The following IGFL2 variants were observed in gnomAD, a reference collection of about 807,000 sequenced individuals.
IGFL2 encodes IGF like family member 2.
In IGFL2, 7 loss-of-function variants were observed where a neutral mutation model predicts 13.9. That is an observed-to-expected ratio of 0.51 (90% CI 0.29 to 0.95). IGFL2 has a LOEUF of 0.95. Ranked by LOEUF, IGFL2 falls within the 40% of genes least tolerant of loss-of-function variation. The probability of loss-of-function intolerance (pLI) is 0.08; values close to 1 mark genes in which losing one functional copy is unlikely to be tolerated. For synonymous variants in IGFL2, 55 were observed against 55.8 expected, an observed-to-expected ratio of 0.99 and a Z score of 0.07; for missense variants, 138 against 147.8, an observed-to-expected ratio of 0.93 and a Z score of 0.34.
rs774894098 is a variant in IGFL2, at chr19:46,161,096, TAGAA to T, written c.*14_*17del. 7.2e-5 allele frequency: 114 copies of T among 1,586,974 alleles called. No homozygotes were observed. In the Middle Eastern group the frequency reaches 2.8e-3, roughly 39 times the overall value. ...AGAAGACGTTTTCCCTGAGAAGACA[TAGAA>T]AGAAAATCAACTTTCACTAAGGCAT... is the stretch of plus-strand genomic sequence containing the variant. On this transcript the variant is annotated 3_prime_UTR_variant, in exon 4 of 4. Coordinates refer to ENST00000377693, the MANE Select transcript of IGFL2 (RefSeq NM_001135113.2).
At chr19:46,080,382 A>C in the IGFL2 span, among the ~76,000 whole-genome samples, 6 of 151,770 alleles carry the variant, frequency 4.0e-5, no homozygotes, top group African/African-American at 1.5e-4. Flanking sequence ...TCCCATCTCT[A>C]TTTATTTTTT....
At chr19:46,102,362 G>A in the IGFL2 span, among the ~76,000 whole-genome samples, 1 of 152,168 alleles carries the variant, frequency 6.6e-6, no homozygotes, top group African/African-American at 2.4e-5. Context: ...GTGGAGTTAG[G>A]AGCAATTTTG....
chr19:46,129,307 T>TTGTGTGTGTGTG, the IGFL2 span, among the ~76,000 whole-genome samples: 9 of 137,064 alleles, frequency 6.6e-5, no homozygotes, highest in South Asian at 2.4e-4. Flanking sequence ...TGTTGATCTT[T>TTGTGTGTGTGTG]TGTGTGTGTG....
At chr19:46,181,226 T>A in the IGFL2 span, 1 of 151,862 alleles carries the variant, frequency 6.6e-6, no homozygotes, top group East Asian at 1.9e-4. Context: ...TATTTATTTC[T>A]TATTCCAGCA....
At chr19:46,093,771 T>C in the IGFL2 span, among the ~76,000 whole-genome samples, 1 of 152,356 alleles carries the variant, frequency 6.6e-6, no homozygotes, top group South Asian at 2.1e-4. Context: ...AATTCAAATT[T>C]GAATTGTTCA....
At chr19:46,183,280 G>C in the IGFL2 span, among the ~76,000 whole-genome samples, 2 of 152,086 alleles carry the variant, frequency 1.3e-5, no homozygotes, top group African/African-American at 4.8e-5. Flanking sequence ...CTCCCACCAG[G>C]TCCTTCTCCT....
At chr19:46,163,211 C>T (rs1477299317), downstream of IGFL2, among the ~76,000 whole-genome samples, 1 of 152,202 alleles carries the variant, frequency 6.6e-6, no homozygotes, top group Middle Eastern at 3.2e-3. Flanking sequence ...GTTCCTCTCC[C>T]TCTTGAGTGC....
the IGFL2 span, among the ~76,000 whole-genome samples, chr19:46,079,174 C>A: frequency 6.6e-6 from 1 of 152,276 alleles, no homozygotes; most frequent in Non-Finnish European, 1.5e-5. Flanking sequence ...CTTTGGCCGC[C>A]ATGTTTTCGT....
the IGFL2 span, among the ~76,000 whole-genome samples, chr19:46,100,906 G>T: frequency 1.3e-5 from 2 of 152,078 alleles, no homozygotes; most frequent in Non-Finnish European, 2.9e-5. Context: ...AGTTTTTGTG[G>T]TGACTTCTTT....
downstream of IGFL2, among the ~76,000 whole-genome samples, chr19:46,162,286 T>C (rs1240527258): frequency 6.6e-6 from 1 of 152,200 alleles, no homozygotes; most frequent in African/African-American, 2.4e-5. Context: ...GATCTCCTTG[T>C]GTAGAATCTT....
the IGFL2 span, among the ~76,000 whole-genome samples, chr19:46,090,739 C>T: frequency 1.6e-4 from 25 of 152,164 alleles, no homozygotes; most frequent in African/African-American, 5.8e-4. Context: ...AGCCCAGGGC[C>T]CAGGCTAGCA....
the IGFL2 span, chr19:46,120,397 T>C: frequency 1.6e-5 from 26 of 1,609,270 alleles, no homozygotes; most frequent in Middle Eastern, 1.7e-4. Flanking sequence ...TAACAACATA[T>C]ATTCTCAGGA....
chr19:46,089,183 T>C, the IGFL2 span, among the ~76,000 whole-genome samples: 2,047 of 152,304 alleles, frequency 0.013, 30 homozygotes, highest in Middle Eastern at 0.027. Flanking sequence ...AAAAAAACTT[T>C]ATAGTTACAA....
At chr19:46,102,249 A>G in the IGFL2 span, among the ~76,000 whole-genome samples, 1 of 152,236 alleles carries the variant, frequency 6.6e-6, no homozygotes. Flanking sequence ...TGTGTAAGCA[A>G]TAAAGCTTTT....
chr19:46,084,254 G>A, the IGFL2 span, among the ~76,000 whole-genome samples: 8 of 152,334 alleles, frequency 5.3e-5, no homozygotes, highest in African/African-American at 1.7e-4. Context: ...TGAGAAGAAT[G>A]TGTATTCTGC....
intron 1 of IGFL2, among the ~76,000 whole-genome samples, chr19:46,157,741 C>G (rs1245279150): frequency 1.3e-5 from 2 of 152,158 alleles, no homozygotes; most frequent in African/African-American, 2.4e-5. Context: ...AGTCTGCTTT[C>G]ACCATTCTTA....
At chr19:46,200,504 C>CTTTTCTTTTG in the IGFL2 span, among the ~76,000 whole-genome samples, 1 of 149,376 alleles carries the variant, frequency 6.7e-6, no homozygotes, top group Non-Finnish European at 1.5e-5. Flanking sequence ...CTTTTCTTTT[C>CTTTTCTTTTG]TTTTCTCTTT....
At chr19:46,094,069 G>C in the IGFL2 span, among the ~76,000 whole-genome samples, 1 of 149,284 alleles carries the variant, frequency 6.7e-6, no homozygotes, top group African/African-American at 2.5e-5. Flanking sequence ...AGGGGTAGGG[G>C]GTCAGTATTG....
the IGFL2 span, among the ~76,000 whole-genome samples, chr19:46,210,621 G>A: frequency 2.6e-5 from 4 of 152,214 alleles, no homozygotes; most frequent in African/African-American, 9.6e-5. Context: ...ACGGGAGAAA[G>A]ACGTAGGCTG....
Sources: allele counts gnomAD v4.1 joint callset (sites outside exome capture counted in the v4.1 genomes callset), GRCh38; gene constraint gnomAD v4.1.1; transcripts MANE v1.5; gene names NCBI Gene and HGNC (gene_info 2026-07-23, HGNC 2026-07-21).